Variants in NKAIN3 observed in about 807,000 individuals in gnomAD.
NKAIN3 encodes the protein sodium/potassium-transporting ATPase subunit beta-1-interacting protein 3.
NKAIN3 carries 25 observed loss-of-function variants against 30.2 expected under a neutral mutation model. The ratio of observed to expected loss-of-function variants is 0.83; its 90% CI spans 0.60 to 1.16. The LOEUF (loss-of-function observed/expected upper bound fraction) is 1.16, where lower values mean the gene tolerates loss of function less well. Ranked by LOEUF, NKAIN3 falls within the 50% of genes most tolerant of loss-of-function variation. NKAIN3 has a pLI of 0.00. For synonymous variants in NKAIN3, 91 were observed against 89.6 expected, an observed-to-expected ratio of 1.02 and a Z score of -0.09; for missense variants, 225 against 254.1, an observed-to-expected ratio of 0.89 and a Z score of 0.78.
chr8:62,596,819 C>T (rs1810850076), intron 3 of NKAIN3, among the ~76,000 whole-genome samples: 2 of 152,204 alleles, frequency 1.3e-5, no homozygotes, highest in Admixed American at 6.5e-5. Flanking sequence ...TGAGCAATTA[C>T]TTGTTGACAG....
chr8:62,370,267 C>T (rs146569160), intron 1 of NKAIN3, among the ~76,000 whole-genome samples: 112 of 152,062 alleles, frequency 7.4e-4, no homozygotes, highest in African/African-American at 1.9e-3. Context: ...GCCACATTGA[C>T]TACAAACCAG....
intron 4 of NKAIN3, among the ~76,000 whole-genome samples, chr8:62,797,662 G>A (rs1259155363): frequency 6.6e-6 from 1 of 152,126 alleles, no homozygotes; most frequent in African/African-American, 2.4e-5. Flanking sequence ...AACCAGCAAT[G>A]TCTAAACAAG....
chr8:62,358,755 G>T (rs536732161), intron 1 of NKAIN3, among the ~76,000 whole-genome samples: 170 of 152,262 alleles, frequency 1.1e-3, no homozygotes, highest in African/African-American at 4.0e-3. Context: ...AATATAAAAT[G>T]ATAATCTAGG....
At chr8:62,292,355 T>A (rs192404029) in intron 1 of NKAIN3, among the ~76,000 whole-genome samples, 1 of 152,286 alleles carries the variant, frequency 6.6e-6, no homozygotes, top group Non-Finnish European at 1.5e-5. Context: ...ATTTTGCATG[T>A]TTTTGCAGTG....
chr8:62,836,267 A>G (rs1221633702), intron 4 of NKAIN3, among the ~76,000 whole-genome samples: 1 of 152,064 alleles, frequency 6.6e-6, no homozygotes, highest in African/African-American at 2.4e-5. Flanking sequence ...CCCAAACCTC[A>G]GCATCATGAA....
chr8:62,766,515 A>G (rs1303326772), intron 4 of NKAIN3, among the ~76,000 whole-genome samples: 2 of 152,170 alleles, frequency 1.3e-5, no homozygotes, highest in Non-Finnish European at 2.9e-5. Context: ...TTTGAAATTT[A>G]TGGGTGAGAG....
intron 1 of NKAIN3, among the ~76,000 whole-genome samples, chr8:62,466,601 G>A (rs1434637386): frequency 6.6e-6 from 1 of 152,176 alleles, no homozygotes; most frequent in Non-Finnish European, 1.5e-5. Context: ...TCAATTAAAT[G>A]TCACTTTTCT....
intron 1 of NKAIN3, among the ~76,000 whole-genome samples, chr8:62,294,523 C>T (rs113895703): frequency 0.013 from 2,050 of 152,180 alleles, 21 homozygotes; most frequent in Middle Eastern, 0.054. Flanking sequence ...TAGAGATTTG[C>T]TAACAGATGT....
chr8:62,484,162 G>T (rs1461208058), intron 1 of NKAIN3, among the ~76,000 whole-genome samples: 1 of 152,134 alleles, frequency 6.6e-6, no homozygotes, highest in Non-Finnish European at 1.5e-5. Flanking sequence ...CTCTCTGATG[G>T]GTTCCTCCTG....
intron 4 of NKAIN3, among the ~76,000 whole-genome samples, chr8:62,843,405 C>G (rs1274152600): frequency 6.6e-6 from 1 of 151,432 alleles, no homozygotes; most frequent in Admixed American, 6.6e-5. Context: ...GGTGCTATGT[C>G]AACTCACTGC....
intron 3 of NKAIN3, among the ~76,000 whole-genome samples, chr8:62,632,992 C>T (rs1477331782): frequency 6.6e-6 from 1 of 152,076 alleles, no homozygotes; most frequent in Non-Finnish European, 1.5e-5. Context: ...CACTTGGCTG[C>T]AGAGGCACAG....
intron 5 of NKAIN3, among the ~76,000 whole-genome samples, chr8:62,949,415 T>C (rs1336185953): frequency 6.6e-6 from 1 of 152,230 alleles, no homozygotes; most frequent in Non-Finnish European, 1.5e-5. Context: ...GCTATAAATC[T>C]AAAGTAGCTC....
At chr8:62,923,269 G>A (rs567781824) in intron 5 of NKAIN3, among the ~76,000 whole-genome samples, 2 of 152,120 alleles carry the variant, frequency 1.3e-5, no homozygotes, top group South Asian at 4.2e-4. Flanking sequence ...AGGTTTCAGT[G>A]AGCTGAGATC....
chr8:62,414,147 C>T (rs1804355431), intron 1 of NKAIN3, among the ~76,000 whole-genome samples: 1 of 152,120 alleles, frequency 6.6e-6, no homozygotes, highest in Non-Finnish European at 1.5e-5. Context: ...TGAGTAAAGA[C>T]ATTTTCTATT....
chr8:62,263,321 T>C (rs1386255497), intron 1 of NKAIN3, among the ~76,000 whole-genome samples: 1 of 152,106 alleles, frequency 6.6e-6, no homozygotes, highest in Non-Finnish European at 1.5e-5. Flanking sequence ...TGTACTTCTT[T>C]AGTCAATATG....
chr8:62,513,361 T>C (rs943924656), intron 1 of NKAIN3, among the ~76,000 whole-genome samples: 8 of 150,188 alleles, frequency 5.3e-5, no homozygotes, highest in South Asian at 2.1e-4. Flanking sequence ...GAGATTGCAG[T>C]TTAGAGGGGG....
intron 1 of NKAIN3, among the ~76,000 whole-genome samples, chr8:62,305,537 G>T (rs991540028): frequency 5.3e-5 from 8 of 150,498 alleles, no homozygotes; most frequent in Non-Finnish European, 1.2e-4. Flanking sequence ...CATTCCTAGA[G>T]AATCGCTATT....
At chr8:62,628,300 C>G (rs1011189017) in intron 3 of NKAIN3, among the ~76,000 whole-genome samples, 1 of 152,134 alleles carries the variant, frequency 6.6e-6, no homozygotes, top group Non-Finnish European at 1.5e-5. Flanking sequence ...GAATTAAGTG[C>G]TTGTATATGT....
rs187866243 is a variant in NKAIN3 at position 62,404,542 on chromosome 8, G to T, written c.54+155415G>T. Among the ~76,000 whole-genome samples, 279 of 152,226 alleles carry T rather than the reference G, an allele frequency of 1.8e-3. 1 individual carries two copies. Among genetic ancestry groups the T allele is most frequent in the African/African-American group, 6.5e-3 (268 of 41,532 alleles). On this transcript the variant is annotated intron_variant, in intron 1 of 6. Coordinates refer to ENST00000623646, the MANE Select transcript of NKAIN3 (RefSeq NM_001304533.3). ...GGTTTTACAAGGGGCTTATGCATTT[G>T]CTTGGCTCTCATTCTTCTCCTTCCT...
Sources: gnomAD v4.1 joint callset for allele counts (sites outside exome capture counted in the v4.1 genomes callset) on GRCh38, gnomAD v4.1.1 for gene constraint, MANE v1.5 for transcripts, NCBI Gene and HGNC (gene_info 2026-07-23, HGNC 2026-07-21) for gene names.